The following CFAP77 variants were observed in gnomAD, a reference collection of about 807,000 sequenced individuals.
The protein encoded by CFAP77 is cilia- and flagella-associated protein 77.
In CFAP77, 25 loss-of-function variants were observed where a neutral mutation model predicts 31.1. The ratio of observed to expected loss-of-function variants is 0.80; its 90% CI spans 0.59 to 1.12. The LOEUF (loss-of-function observed/expected upper bound fraction) is 1.12. Ranked by LOEUF, CFAP77 falls within the 50% of genes most tolerant of loss-of-function variation. The probability of loss-of-function intolerance (pLI) is 0.00; values close to 1 mark genes in which losing one functional copy is unlikely to be tolerated. For synonymous variants in CFAP77, 151 were observed against 159.9 expected (o/e 0.94, Z 0.42); for missense variants, 377 against 397.3 (o/e 0.95, Z 0.44).
chr9:132,439,458 G>A (rs183676982), intron 1 of CFAP77, among the ~76,000 whole-genome samples: 87 of 152,206 alleles, frequency 5.7e-4, no homozygotes, highest in African/African-American at 2.0e-3. Flanking sequence ...GCCCTGAGCC[G>A]AGAGATCCAG....
intron 3 of CFAP77, among the ~76,000 whole-genome samples, chr9:132,530,661 G>A (rs576144519): frequency 5.9e-5 from 9 of 152,132 alleles, no homozygotes; most frequent in Admixed American, 2.0e-4. Context: ...TTTTATTCTA[G>A]ATACGAGTCC....
intron 3 of CFAP77, among the ~76,000 whole-genome samples, chr9:132,512,465 C>T (rs1056170056): frequency 1.3e-5 from 2 of 152,120 alleles, no homozygotes; most frequent in Admixed American, 6.6e-5. Context: ...ACCATTCAGC[C>T]CACTCTAATC....
At chr9:132,463,008 G>A (rs966331869) in intron 1 of CFAP77, among the ~76,000 whole-genome samples, 1 of 152,132 alleles carries the variant, frequency 6.6e-6, no homozygotes, top group Non-Finnish European at 1.5e-5. Flanking sequence ...GGAGCACCTA[G>A]CTGCTATCCA....
chr9:132,566,956 C>T (rs566073984), intron 5 of CFAP77, among the ~76,000 whole-genome samples: 12 of 152,324 alleles, frequency 7.9e-5, no homozygotes, highest in Admixed American at 7.2e-4. Context: ...TTTGGGGGCC[C>T]ACCCGACCTT....
chr9:132,427,776 G>T (rs1215645177), intron 1 of CFAP77, among the ~76,000 whole-genome samples: 1 of 152,174 alleles, frequency 6.6e-6, no homozygotes, highest in Non-Finnish European at 1.5e-5. Context: ...TGCCTGTAAA[G>T]GTGTCTATGT....
chr9:132,532,196 C>A (rs777838275), intron 3 of CFAP77, among the ~76,000 whole-genome samples: 2 of 152,212 alleles, frequency 1.3e-5, no homozygotes, highest in Non-Finnish European at 2.9e-5. Flanking sequence ...AGCTGCTGAA[C>A]CTTTGCTCAG....
intron 4 of CFAP77, among the ~76,000 whole-genome samples, chr9:132,541,380 A>C (rs760338445): frequency 2.6e-5 from 4 of 152,184 alleles, no homozygotes; most frequent in Non-Finnish European, 5.9e-5. Context: ...CTGGCTCCAT[A>C]ACCCCCGACT....
rs756001941 is a variant in CFAP77 at position 132,499,560 on chromosome 9, C to T, written c.484C>T (p.Pro162Ser). ...TGACCGGCGCATGAAGAAAGAGCCGCCCCCTCTCCCTCCAAACATGACATT... is the reference window on the plus strand; with the variant it reads ...TGACCGGCGCATGAAGAAAGAGCCGTCCCCTCTCCCTCCAAACATGACATT... Reference protein sequence around the residue: ...QDDRRMKKEPPPLPPNMTFGI... With the variant: ...QDDRRMKKEPSPLPPNMTFGI... Residue 162 changes from proline to serine, a missense_variant, in exon 3 of 6, where the codon CCC (proline) becomes TCC (serine). Transcript: ENST00000393216. This position sits in a 1 kb window ranked among gnomAD's most constrained non-coding sequence, Gnocchi z 5.4. The T allele has an allele frequency of 3.1e-6, 5 of 1,614,216 alleles. No homozygotes were observed. Among genetic ancestry groups the T allele is most frequent in the Non-Finnish European group, 4.2e-6 (5 of 1,180,030 alleles).
intron 4 of CFAP77, 78 bp from the exon 5 acceptor site, chr9:132,542,868 T>A (rs1164301349): frequency 9.7e-6 from 11 of 1,135,566 alleles, no homozygotes; most frequent in Non-Finnish European, 1.5e-5. Context: ...CCCAGCCCTC[T>A]GTCTCTATAT....
At chr9:132,547,846 T>C (rs1852758346) in intron 5 of CFAP77, among the ~76,000 whole-genome samples, 3 of 152,022 alleles carry the variant, frequency 2.0e-5, no homozygotes, top group African/African-American at 7.2e-5. Flanking sequence ...TTGCAGAAAC[T>C]TCCTCAGGGC....
Position 132,520,382 on chromosome 9 carries a change from A to G in CFAP77, c.525-17219A>G, listed in dbSNP as rs541257486. On this transcript the variant is annotated intron_variant, in intron 3 of 5. Coordinates refer to ENST00000393216, the MANE Select transcript of CFAP77 (RefSeq NM_001282957.2). Reference sequence around the variant, plus strand: ...ATTTCCAGGCCAGGCACAGCAGCTCACACCTGTAATCCCAGGACTTCAGGA... The same window carrying G: ...ATTTCCAGGCCAGGCACAGCAGCTCGCACCTGTAATCCCAGGACTTCAGGA... Among the ~76,000 whole-genome samples the G allele has an allele frequency of 8.9e-4, 136 of 152,216 alleles. 5 individuals carry two copies. The South Asian group carries it at 0.027, about 30-fold the overall frequency.
intron 1 of CFAP77, among the ~76,000 whole-genome samples, chr9:132,416,282 A>G (rs941525175): frequency 6.9e-6 from 1 of 144,530 alleles, no homozygotes; most frequent in African/African-American, 2.5e-5. Context: ...TTTTTGGCAT[A>G]TGCTATAACT....
chr9:132,492,160 G>A (rs931184802), intron 1 of CFAP77, among the ~76,000 whole-genome samples: 3 of 152,070 alleles, frequency 2.0e-5, no homozygotes, highest in Admixed American at 6.6e-5. Context: ...TGGTGATGCG[G>A]GCCTGTAGTT....
chr9:132,558,388 G>T (rs1332450200), intron 5 of CFAP77, among the ~76,000 whole-genome samples: 1 of 152,220 alleles, frequency 6.6e-6, no homozygotes, highest in Non-Finnish European at 1.5e-5. Flanking sequence ...TTGTGTTGAT[G>T]AATATATAAA....
chr9:132,533,075 T>C (rs1306514755), intron 3 of CFAP77, among the ~76,000 whole-genome samples: 2 of 152,176 alleles, frequency 1.3e-5, no homozygotes, highest in Admixed American at 6.5e-5. Context: ...GGTTAGATCA[T>C]CTCCAGGTCC....
At chr9:132,476,541 G>C (rs73556711) in intron 1 of CFAP77, among the ~76,000 whole-genome samples, 4,472 of 152,250 alleles carry the variant, frequency 0.029, 222 homozygotes, top group African/African-American at 0.1. Flanking sequence ...GCTGGGTAAT[G>C]AGTGCTGTGA....
chr9:132,523,761 A>G (rs979600745), intron 3 of CFAP77, among the ~76,000 whole-genome samples: 6 of 152,150 alleles, frequency 3.9e-5, no homozygotes, highest in African/African-American at 1.2e-4. Flanking sequence ...GCTCTAATTA[A>G]TATGCCCAGG....
At chr9:132,422,890 A>G (rs1035698662) in intron 1 of CFAP77, among the ~76,000 whole-genome samples, 1 of 152,232 alleles carries the variant, frequency 6.6e-6, no homozygotes, top group Non-Finnish European at 1.5e-5. Flanking sequence ...CTGGTCCCCA[A>G]CCAGGCTGGG....
chr9:132,463,740 G>A (rs923760410), intron 1 of CFAP77, among the ~76,000 whole-genome samples: 1 of 152,348 alleles, frequency 6.6e-6, no homozygotes, highest in Non-Finnish European at 1.5e-5. Context: ...CAACCACCCA[G>A]GGCTTCAGAA....
Sources: allele counts gnomAD v4.1 joint callset (sites outside exome capture counted in the v4.1 genomes callset), GRCh38; gene constraint gnomAD v4.1.1; non-coding constraint Gnocchi (gnomAD v3.1); transcripts MANE v1.5; gene names NCBI Gene and HGNC (gene_info 2026-07-23, HGNC 2026-07-21).